Variants in CSRNP2 observed in about 807,000 individuals in gnomAD.
The protein encoded by CSRNP2 is cysteine and serine rich nuclear protein 2.
Under a neutral mutation model 36.6 loss-of-function variants are expected in CSRNP2, and 11 were observed. That is an observed-to-expected ratio of 0.30 (90% confidence interval 0.19 to 0.50). The LOEUF (loss-of-function observed/expected upper bound fraction) is 0.50, where lower values mean the gene tolerates loss of function less well. CSRNP2 is among the 20% of genes least tolerant of loss of function. The pLI, the probability that CSRNP2 is intolerant of heterozygous loss-of-function variation, is 0.98. For synonymous variants in CSRNP2, 248 were observed against 275.3 expected, an observed-to-expected ratio of 0.90 and a Z score of 0.98; for missense variants, 483 against 691.4, an observed-to-expected ratio of 0.70 and a Z score of 3.38.
chr12:51,075,426 A>G (rs1592766597), intron 2 of CSRNP2, among the ~76,000 whole-genome samples: 1 of 152,088 alleles, frequency 6.6e-6, no homozygotes, highest in East Asian at 1.9e-4. Flanking sequence ...ACCACATTTC[A>G]AGTGCTCAAT....
Position 51,062,859 on chromosome 12 carries a change from C to T in CSRNP2, c.*887G>A, listed in dbSNP as rs1032548947. ...ATATGTCATCTTTCCAGATAGCAAG[C>T]AGCCTGTTCCCGCTGCCTCCTTTGG... On this transcript the variant is annotated 3_prime_UTR_variant, in exon 5 of 5. Coordinates refer to ENST00000228515, the MANE Select transcript of CSRNP2 (RefSeq NM_030809.3). 6.6e-6 allele frequency: 1 copy of T among 152,540 alleles called. No homozygotes were observed. The highest frequency in any genetic ancestry group is 2.4e-5 in the African/African-American group (1 of 41,450). The allele number at this position is 152,540 out of a possible 1,614,324, so 9.4% of individuals were successfully genotyped here. A position where few individuals can be genotyped will look rare whatever the true frequency, so the allele number is the denominator to read the frequency against.
At chr12:51,079,769 C>CAAAAAAA (rs35767986) in intron 1 of CSRNP2, among the ~76,000 whole-genome samples, 3 of 35,028 alleles carry the variant, frequency 8.6e-5, no homozygotes, top group Non-Finnish European at 1.4e-4. Flanking sequence ...GAGACCTTGT[C>CAAAAAAA]AAAAAAAAAA....
At chr12:51,080,072 CAAAAAAAAAAAA>C (rs1173559322) in intron 1 of CSRNP2, among the ~76,000 whole-genome samples, 2 of 54,988 alleles carry the variant, frequency 3.6e-5, no homozygotes, top group Non-Finnish European at 3.2e-5. Context: ...GACTCTGTCT[CAAAAAAAAAAAA>C]AAAAAAAAAA....
At chr12:51,078,193 G>C (rs1410524983) in intron 1 of CSRNP2, among the ~76,000 whole-genome samples, 2 of 152,172 alleles carry the variant, frequency 1.3e-5, no homozygotes, top group Non-Finnish European at 2.9e-5. Context: ...CTGCTTTTCT[G>C]GACTGTGTCT....
chr12:51,064,732 G>C (rs1051238154), intron 4 of CSRNP2, 63 bp from the exon 5 acceptor site: 2 of 1,392,074 alleles, frequency 1.4e-6, no homozygotes, highest in Non-Finnish European at 9.5e-7. Flanking sequence ...GGAGACAGGA[G>C]ACATGAGCTG....
intron 1 of CSRNP2, among the ~76,000 whole-genome samples, chr12:51,079,802 T>C (rs1243356010): frequency 3.5e-5 from 4 of 114,364 alleles, no homozygotes; most frequent in South Asian, 5.7e-4. Context: ...AAGCTGGGTG[T>C]GGTGGCTCAC....
rs12304202 is a variant in CSRNP2 at position 51,063,593 on chromosome 12, A to C, written c.*153T>G. 2.6e-3 allele frequency: 1,585 copies of C among 610,160 alleles called. 17 individuals carry two copies. The highest frequency in any genetic ancestry group is 0.025 in the African/African-American group (1,370 of 54,628). The allele number at this position is 610,160 out of a possible 1,614,324, so 37.8% of individuals were successfully genotyped here. On this transcript the variant is annotated 3_prime_UTR_variant, in exon 5 of 5. Transcript: ENST00000228515. ...CTTGGTACTGTTTCCCTTTTAAAAAATACTCAAACAATCCTTTCCCACCCA... is the reference window on the plus strand; with the variant it reads ...CTTGGTACTGTTTCCCTTTTAAAAACTACTCAAACAATCCTTTCCCACCCA...
In CSRNP2 at chr12:51,063,009, T is replaced by C. The variant is rs1937727787; in HGVS notation, c.*737A>G. On this transcript the variant is annotated 3_prime_UTR_variant, in exon 5 of 5. Transcript: ENST00000228515. ...CTCGTTATACCATATCCCCAGCCAA[T>C]CCAGCTCTTTCTCCGAAGGAAAAAG... 1.3e-5 allele frequency: 2 copies of C among 152,110 alleles called. No individual in the cohort carries two copies. The highest frequency in any genetic ancestry group is 2.4e-5 in the African/African-American group (1 of 41,394). The allele number at this position is 152,110 out of a possible 1,614,324, so 9.4% of individuals were successfully genotyped here.
rs992811222 is a variant in CSRNP2, at chr12:51,061,214, A to G, written c.*2532T>C. ...AAAGAGTAACACATCATTCTTTTGA[A>G]TATTTCTTTAATATTACATTTAAAT... is the stretch of plus-strand genomic sequence containing the variant. On this transcript the variant is annotated 3_prime_UTR_variant, in exon 5 of 5. Transcript: ENST00000228515. The G allele has an allele frequency of 3.9e-5, 6 of 152,516 alleles. No individual in the cohort carries two copies. Among genetic ancestry groups the G allele is most frequent in the Non-Finnish European group, 8.8e-5 (6 of 68,042 alleles). 9.4% of individuals were successfully genotyped at this position (152,516 alleles called of 1,614,324 possible). A position where few individuals can be genotyped will look rare whatever the true frequency, so the allele number is the denominator to read the frequency against.
At chr12:51,071,876 G>A (rs1592761369) in intron 3 of CSRNP2, among the ~76,000 whole-genome samples, 1 of 152,210 alleles carries the variant, frequency 6.6e-6, no homozygotes, top group East Asian at 1.9e-4. Flanking sequence ...ACGGCAGCTG[G>A]AAGGTGACAG....
intron 1 of CSRNP2, among the ~76,000 whole-genome samples, chr12:51,079,500 T>C (rs1592771768): frequency 6.6e-6 from 1 of 151,552 alleles, no homozygotes; most frequent in Admixed American, 6.6e-5. Flanking sequence ...CAGTGGCTCA[T>C]GTCTGTCATC....
Position 51,076,460 on chromosome 12 carries a change from A to G in CSRNP2, c.102T>C (p.Ser34=). 6.2e-7 allele frequency: 1 copy of G among 1,614,094 alleles called. No homozygotes were observed. The highest frequency in any genetic ancestry group is 8.5e-7 in the Non-Finnish European group (1 of 1,180,026). ...GATTGAGGCTGTCGCAGCTGTCAGC[A>G]CTATCACTGCTGGAGATCTCATCAT... ...NSDDEISSSD[S]ADSCDSLNPP... The change falls in exon 2 of 5, where the codon AGT becomes AGC. Residue 34 remains serine (S), a synonymous_variant. Coordinates refer to ENST00000228515, the MANE Select transcript of CSRNP2 (RefSeq NM_030809.3).
intron 1 of CSRNP2, among the ~76,000 whole-genome samples, chr12:51,079,140 GCACGTTCT>G (rs2136928301): frequency 6.6e-6 from 1 of 152,054 alleles, no homozygotes; most frequent in Admixed American, 6.6e-5. Flanking sequence ...ACCAAACACC[GCACGTTCT>G]CACTCATAGG....
chr12:51,078,450 C>G (rs183152808), intron 1 of CSRNP2, among the ~76,000 whole-genome samples: 1 of 152,100 alleles, frequency 6.6e-6, no homozygotes, highest in Non-Finnish European at 1.5e-5. Flanking sequence ...AAAAAACGAG[C>G]CCAAAGTATC....
At chr12:51,070,665 T>A (rs1939080536) in intron 3 of CSRNP2, among the ~76,000 whole-genome samples, 2 of 152,198 alleles carry the variant, frequency 1.3e-5, no homozygotes, top group Non-Finnish European at 2.9e-5. Context: ...GAGTTCCATA[T>A]GGATAACAGG....
At chr12:51,065,375 G>A (rs1938060936) in intron 4 of CSRNP2, among the ~76,000 whole-genome samples, 1 of 151,728 alleles carries the variant, frequency 6.6e-6, no homozygotes, top group Admixed American at 6.6e-5. Context: ...TATTCCAACA[G>A]GAAAAACACA....
Position 51,067,882 on chromosome 12 carries a change from C to T in CSRNP2, c.499G>A (p.Val167Met), listed in dbSNP as rs141933706. Reference protein sequence around the residue: ...VSDEDIDVENVEVDDYFFLQP... With the variant: ...VSDEDIDVENMEVDDYFFLQP... ...AGGAAGAAGTAATCATCCACCTCCA[C>T]ATTTTCCACATCAATATCTTCATCT... The change falls in exon 4 of 5, where the codon GTG becomes ATG. Residue 167 changes from valine (V) to methionine (M), a missense_variant. Coordinates refer to ENST00000228515, the MANE Select transcript of CSRNP2 (RefSeq NM_030809.3). The surrounding 1 kb of genome is among the most constrained non-coding windows in gnomAD (Gnocchi z 4.1). The T allele has an allele frequency of 5.6e-6, 9 of 1,614,108 alleles. No individual in the cohort carries two copies. The African/African-American group carries it at 1.1e-4, about 19-fold the overall frequency.
chr12:51,072,612 T>TA (rs1939222000), intron 3 of CSRNP2, among the ~76,000 whole-genome samples: 1 of 94,492 alleles, frequency 1.1e-5, no homozygotes, highest in Non-Finnish European at 2.1e-5. Flanking sequence ...TGAAGAGCCA[T>TA]GTAAGGTGGG....
intron 1 of CSRNP2, chr12:51,081,615 A>G (rs905208420): frequency 1.3e-5 from 2 of 152,286 alleles, no homozygotes; most frequent in South Asian, 4.1e-4. Flanking sequence ...ATGAAAGGTC[A>G]GCTGACACTT....
Sources: allele counts gnomAD v4.1 joint callset (sites outside exome capture counted in the v4.1 genomes callset), GRCh38; gene constraint gnomAD v4.1.1; non-coding constraint Gnocchi (gnomAD v3.1); transcripts MANE v1.5; gene names NCBI Gene and HGNC (gene_info 2026-07-23, HGNC 2026-07-21).